Variants in EYS observed in about 807,000 individuals in gnomAD.
The protein encoded by EYS is protein eyes shut homolog.
EYS carries 250 observed loss-of-function variants against 282.1 expected under a neutral mutation model. The ratio of observed to expected loss-of-function variants is 0.89; its 90% CI spans 0.80 to 0.98. The LOEUF (loss-of-function observed/expected upper bound fraction) is 0.98, where lower values mean the gene tolerates loss of function less well. Among genes scored for constraint, EYS ranks in the 50% least tolerant of loss-of-function variants. EYS has a pLI of 0.00. For synonymous variants in EYS, 1,355 were observed against 1,282.9 expected (o/e 1.06, Z -1.20); for missense variants, 4,016 against 3,709.0 (o/e 1.08, Z -2.15).
chr6:65,613,346 T>A (rs1225655672), intron 2 of EYS, among the ~76,000 whole-genome samples: 1 of 151,838 alleles, frequency 6.6e-6, no homozygotes. Flanking sequence ...GTTGAATCCT[T>A]TCTATGAATA....
chr6:65,097,807 A>T (rs554108306), intron 12 of EYS, among the ~76,000 whole-genome samples: 7 of 150,990 alleles, frequency 4.6e-5, no homozygotes, highest in Admixed American at 2.7e-4. Context: ...TAAAATAAAA[A>T]AAAAAACAAA....
chr6:65,477,323 C>A (rs1444777533), intron 5 of EYS, among the ~76,000 whole-genome samples: 2 of 152,108 alleles, frequency 1.3e-5, no homozygotes, highest in African/African-American at 4.8e-5. Context: ...ACATGGAGTT[C>A]TATAAATTGT....
chr6:63,765,926 T>C (rs1355868216), intron 40 of EYS, among the ~76,000 whole-genome samples: 1 of 152,002 alleles, frequency 6.6e-6, no homozygotes, highest in Non-Finnish European at 1.5e-5. Flanking sequence ...TGGCTTCAGT[T>C]CAACTTTCAA....
At chr6:64,993,339 C>T (rs940720327) in intron 14 of EYS, among the ~76,000 whole-genome samples, 2 of 151,394 alleles carry the variant, frequency 1.3e-5, no homozygotes, top group Non-Finnish European at 2.9e-5. Flanking sequence ...GGGTATATAC[C>T]CAGTAATGGG....
intron 22 of EYS, among the ~76,000 whole-genome samples, chr6:64,781,630 A>T (rs979300429): frequency 2.6e-5 from 4 of 151,982 alleles, no homozygotes; most frequent in Non-Finnish European, 5.9e-5. Context: ...ACCACACAAC[A>T]AATCCAGATA....
intron 40 of EYS, among the ~76,000 whole-genome samples, chr6:63,766,079 T>A (rs115634088): frequency 1.3e-5 from 2 of 151,804 alleles, no homozygotes; most frequent in South Asian, 4.1e-4. Flanking sequence ...TCTTAGCATA[T>A]TTTTTTTGCT....
intron 2 of EYS, among the ~76,000 whole-genome samples, chr6:65,578,138 C>T (rs1764740482): frequency 6.6e-6 from 1 of 151,628 alleles, no homozygotes; most frequent in East Asian, 1.9e-4. Context: ...GCACTTTTTG[C>T]AGCACTAGTC....
chr6:64,565,851 G>A (rs2149814565), intron 26 of EYS, among the ~76,000 whole-genome samples: 1 of 150,926 alleles, frequency 6.6e-6, no homozygotes, highest in Middle Eastern at 3.5e-3. Flanking sequence ...TATTGTATAT[G>A]TATATCAAAA....
At chr6:64,562,765 TTAA>T (rs1440647293) in intron 26 of EYS, among the ~76,000 whole-genome samples, 6 of 151,938 alleles carry the variant, frequency 3.9e-5, no homozygotes, top group African/African-American at 1.2e-4. Flanking sequence ...AATATCAGTA[TTAA>T]TAATACTGGT....
intron 37 of EYS, among the ~76,000 whole-genome samples, chr6:63,804,436 T>G (rs1427515803): frequency 2.0e-5 from 3 of 152,226 alleles, no homozygotes; most frequent in African/African-American, 7.2e-5. Flanking sequence ...CACAAAGACA[T>G]TAAGTAACTT....
At chr6:64,706,551 CA>C in intron 22 of EYS, among the ~76,000 whole-genome samples, 1 of 152,058 alleles carries the variant, frequency 6.6e-6, no homozygotes, top group East Asian at 1.9e-4. Flanking sequence ...AAAATCTTCA[CA>C]ATCTATACAT....
chr6:65,223,573 T>C (rs1347017475), intron 12 of EYS, among the ~76,000 whole-genome samples: 1 of 152,182 alleles, frequency 6.6e-6, no homozygotes. Flanking sequence ...TGATGTGTGT[T>C]GATATGTTTG....
chr6:64,812,240 T>TAC (rs71739816), intron 22 of EYS, among the ~76,000 whole-genome samples: 54,888 of 147,864 alleles, frequency 0.37, 11,821 homozygotes, highest in Admixed American at 0.57. Context: ...GGATTTAAAA[T>TAC]ACACACACAC....
At chr6:64,505,265 T>C (rs1582830472) in intron 26 of EYS, among the ~76,000 whole-genome samples, 1 of 152,244 alleles carries the variant, frequency 6.6e-6, no homozygotes, top group East Asian at 1.9e-4. Context: ...TTCCTCACAG[T>C]TGGCATGCAT....
chr6:65,101,186 A>C (rs2150183328), intron 12 of EYS, among the ~76,000 whole-genome samples: 1 of 151,222 alleles, frequency 6.6e-6, no homozygotes, highest in Admixed American at 6.6e-5. Flanking sequence ...TAATTTCCTA[A>C]GAATTTGAGA....
At chr6:63,993,583 T>TA (rs1370552949) in intron 34 of EYS, among the ~76,000 whole-genome samples, 1 of 151,544 alleles carries the variant, frequency 6.6e-6, no homozygotes, top group East Asian at 1.9e-4. Flanking sequence ...TGAAAAAGGA[T>TA]AAAATAGCAT....
chr6:65,128,620 A>G (rs10455570), intron 12 of EYS, among the ~76,000 whole-genome samples: 18,718 of 151,980 alleles, frequency 0.12, 1,588 homozygotes, highest in African/African-American at 0.24. Flanking sequence ...TAACCAAGGA[A>G]GAGAAAGAGC....
chr6:65,361,796 A>T (rs1764719200), intron 8 of EYS, among the ~76,000 whole-genome samples: 1 of 152,136 alleles, frequency 6.6e-6, no homozygotes, highest in Non-Finnish European at 1.5e-5. Context: ...GTAATTTCTT[A>T]GACTACAGTG....
intron 31 of EYS, among the ~76,000 whole-genome samples, chr6:64,194,707 T>C (rs1765228074): frequency 6.6e-6 from 1 of 152,180 alleles, no homozygotes; most frequent in Non-Finnish European, 1.5e-5. Context: ...ACGTATATTC[T>C]ATGGTGGTTG....
Sources: allele counts gnomAD v4.1 joint callset (sites outside exome capture counted in the v4.1 genomes callset), GRCh38; gene constraint gnomAD v4.1.1; transcripts MANE v1.5; gene names NCBI Gene and HGNC (gene_info 2026-07-23, HGNC 2026-07-21).